MSH3: variants seen among roughly 807,000 people sequenced by gnomAD.
MSH3 encodes the protein mutS homolog 3.
A neutral mutation model predicts 123.3 loss-of-function variants in MSH3; 106 were observed. The observed-to-expected ratio is 0.86, with a 90% CI of 0.73 to 1.01. MSH3 has a LOEUF of 1.01. Among genes scored for constraint, MSH3 ranks in the 50% least tolerant of loss-of-function variants. MSH3 has a pLI of 0.00. For synonymous variants in MSH3, 515 were observed against 481.4 expected (o/e 1.07, Z -0.91); for missense variants, 1,459 against 1,347.6 (o/e 1.08, Z -1.29).
chr5:80,726,606 A>G (rs1358024462), intron 9 of MSH3, among the ~76,000 whole-genome samples: 2 of 152,178 alleles, frequency 1.3e-5, no homozygotes, highest in Non-Finnish European at 2.9e-5. Flanking sequence ...AGCTGAGACT[A>G]CAGGCGTGCG....
intron 3 of MSH3, among the ~76,000 whole-genome samples, chr5:80,669,487 A>G (rs1310754997): frequency 6.6e-6 from 1 of 152,254 alleles, no homozygotes; most frequent in Non-Finnish European, 1.5e-5. Flanking sequence ...GGTTCCTCAC[A>G]GAAAGGTAAG....
At position 80,854,239 on chromosome 5, in the gene MSH3, G is replaced by T. The variant is rs375949196; in HGVS notation, c.2923G>T (p.Asp975Tyr). 2 of 1,613,848 alleles carry T rather than the reference G, an allele frequency of 1.2e-6. No individual in the cohort carries two copies. Among genetic ancestry groups the T allele is most frequent in the Non-Finnish European group, 1.7e-6 (2 of 1,179,926 alleles). The change falls in exon 21 of 24, where the codon GAT (aspartate) becomes TAT (tyrosine). Residue 975 changes from aspartate to tyrosine, a missense_variant. Asp to Tyr is a radical substitution (Grantham distance 160, BLOSUM62 -3). Transcript: ENST00000265081. ...AACATCACAGTCCTTGGTTATCTTG[G>T]ATGAACTAGGAAGAGGGACGAGCAC... ...KATSQSLVILDELGRGTSTHD... is the reference protein window; with the variant it reads ...KATSQSLVILYELGRGTSTHD...
intron 20 of MSH3, among the ~76,000 whole-genome samples, chr5:80,832,225 A>G (rs1745432380): frequency 6.6e-6 from 1 of 152,256 alleles, no homozygotes; most frequent in Non-Finnish European, 1.5e-5. Flanking sequence ...AGAGACAGAA[A>G]ATATGGGGAA....
At chr5:80,751,825 A>G (rs1274491477) in intron 12 of MSH3, among the ~76,000 whole-genome samples, 2 of 152,142 alleles carry the variant, frequency 1.3e-5, no homozygotes, top group Admixed American at 1.3e-4. Flanking sequence ...TTCAACCCAA[A>G]ACAAATAGGC....
At chr5:80,735,261 G>A (rs1180456295) in intron 10 of MSH3, among the ~76,000 whole-genome samples, 1 of 151,520 alleles carries the variant, frequency 6.6e-6, no homozygotes, top group Admixed American at 6.6e-5. Context: ...GCAGGTGCCT[G>A]TAATCCTAGC....
chr5:80,822,632 C>G (rs760412221), intron 20 of MSH3, among the ~76,000 whole-genome samples: 1 of 152,184 alleles, frequency 6.6e-6, no homozygotes, highest in East Asian at 1.9e-4. Flanking sequence ...TGAAGTGCTT[C>G]TCTTAGTTGT....
At chr5:80,716,550 C>T (rs939018574) in intron 8 of MSH3, among the ~76,000 whole-genome samples, 2 of 151,918 alleles carry the variant, frequency 1.3e-5, no homozygotes, top group African/African-American at 4.8e-5. Flanking sequence ...CGGGTGTGAG[C>T]CACTGTGCCT....
chr5:80,672,138 C>G lies in MSH3; in HGVS notation c.793-106C>G. On this transcript the variant is annotated intron_variant, in intron 4 of 23. Coordinates refer to ENST00000265081, the MANE Select transcript of MSH3 (RefSeq NM_002439.5). Reference sequence around the variant, plus strand: ...ATAGTACACATTTAGATTAAGTGTACAAATCCTAAATGTATACCTTGATTA... The same window carrying G: ...ATAGTACACATTTAGATTAAGTGTAGAAATCCTAAATGTATACCTTGATTA... The G allele has an allele frequency of 1.1e-5, 9 of 854,126 alleles. No individual in the cohort carries two copies. The South Asian group carries it at 1.4e-4, about 13-fold the overall frequency. The allele number at this position is 854,126 out of a possible 1,614,324, so 52.9% of individuals were successfully genotyped here.
intron 20 of MSH3, among the ~76,000 whole-genome samples, chr5:80,834,729 T>TA (rs2112082905): frequency 1.3e-5 from 2 of 151,688 alleles, no homozygotes; most frequent in South Asian, 4.2e-4. Context: ...ATTTAACAGC[T>TA]AAAAAGATAT....
At chr5:80,767,440 A>C (rs1744142135) in intron 13 of MSH3, among the ~76,000 whole-genome samples, 1 of 151,982 alleles carries the variant, frequency 6.6e-6, no homozygotes. Flanking sequence ...CTATATTTCT[A>C]ATTTGCTTGT....
chr5:80,823,075 G>A (rs1401860764), intron 20 of MSH3, among the ~76,000 whole-genome samples: 1 of 152,130 alleles, frequency 6.6e-6, no homozygotes, highest in East Asian at 1.9e-4. Flanking sequence ...TACAATATGT[G>A]AAAAAGAGCC....
chr5:80,789,218 CT>C (rs1195373365), intron 18 of MSH3, among the ~76,000 whole-genome samples: 1 of 151,806 alleles, frequency 6.6e-6, no homozygotes, highest in Non-Finnish European at 1.5e-5. Context: ...TCATTTTTTT[CT>C]TTTACAATGA....
rs966078374 is a variant in MSH3, at chr5:80,654,969, G to T, written c.237+5G>T. 7.5e-6 allele frequency: 11 copies of T among 1,458,038 alleles called. No homozygotes were observed. Among genetic ancestry groups the T allele is most frequent in the Non-Finnish European group, 9.9e-6 (11 of 1,107,066 alleles). 90.3% of individuals were successfully genotyped at this position (1,458,038 alleles called of 1,614,324 possible). On this transcript the variant is annotated splice_donor_5th_base_variant and intron_variant, in intron 1 of 23. Transcript: ENST00000265081. ...CCCCAGCTGCCGCCGCACATAGTAGGTTCTGTCTGGGACTGGGCAGGGCCA... is the reference window on the plus strand; with the variant it reads ...CCCCAGCTGCCGCCGCACATAGTAGTTTCTGTCTGGGACTGGGCAGGGCCA...
chr5:80,822,852 A>G (rs1745224407), intron 20 of MSH3, among the ~76,000 whole-genome samples: 1 of 152,220 alleles, frequency 6.6e-6, no homozygotes, highest in African/African-American at 2.4e-5. Context: ...ATGCTGAGAC[A>G]TGCCTTTATC....
At chr5:80,806,376 C>T (rs192035585) in intron 19 of MSH3, among the ~76,000 whole-genome samples, 55 of 152,312 alleles carry the variant, frequency 3.6e-4, no homozygotes, top group Admixed American at 9.1e-4. Context: ...GGATTACATG[C>T]GTGAGCCACT....
At chr5:80,782,303 A>G (rs1224326959) in intron 17 of MSH3, among the ~76,000 whole-genome samples, 1 of 152,200 alleles carries the variant, frequency 6.6e-6, no homozygotes, top group African/African-American at 2.4e-5. Flanking sequence ...CAGATTGAAA[A>G]TATTCAAGGA....
In MSH3 at chr5:80,869,805, CATATAT is replaced by C. The variant is rs1561505253; in HGVS notation, c.3131-3309_3131-3304del. ...ATGTATACATATATACATATATATACATATATACATATATATATACATATATACATA... is the reference window on the plus strand; with the variant it reads ...ATGTATACATATATACATATATATACACATATATATATACATATATACATA... On this transcript the variant is annotated intron_variant, in intron 22 of 23. Coordinates refer to ENST00000265081, the MANE Select transcript of MSH3 (RefSeq NM_002439.5). Among the ~76,000 whole-genome samples, 222 of 100,350 alleles carry C rather than the reference CATATAT, an allele frequency of 2.2e-3. 4 individuals carry two copies. Among genetic ancestry groups the C allele is most frequent in the African/African-American group, 9.0e-3 (200 of 22,178 alleles). The allele number at this position is 100,350 out of a possible 152,430, so 65.8% of individuals were successfully genotyped here.
At chr5:80,747,032 T>C (rs948336399) in intron 12 of MSH3, among the ~76,000 whole-genome samples, 9 of 152,210 alleles carry the variant, frequency 5.9e-5, no homozygotes, top group African/African-American at 2.2e-4. Flanking sequence ...GAAGAAATCC[T>C]GAAAATGGAA....
rs549331264 is a variant in MSH3 at position 80,813,460 on chromosome 5, C to T, written c.2656-124C>T. 5.0e-6 allele frequency: 5 copies of T among 1,001,176 alleles called. No homozygotes were observed. In the Admixed American group the frequency reaches 9.9e-5, roughly 20 times the overall value. The allele number at this position is 1,001,176 out of a possible 1,614,324, so 62.0% of individuals were successfully genotyped here. ...CAGGTTGAAGACAGAGGACCGCTTTCCTTTTGTGATATTTATGCTACAAAG... is the reference window on the plus strand; with the variant it reads ...CAGGTTGAAGACAGAGGACCGCTTTTCTTTTGTGATATTTATGCTACAAAG... On this transcript the variant is annotated intron_variant, in intron 19 of 23. Coordinates refer to ENST00000265081, the MANE Select transcript of MSH3 (RefSeq NM_002439.5).
Sources: allele counts gnomAD v4.1 joint callset (sites outside exome capture counted in the v4.1 genomes callset), GRCh38; gene constraint gnomAD v4.1.1; transcripts MANE v1.5; gene names NCBI Gene and HGNC (gene_info 2026-07-23, HGNC 2026-07-21).